Variants in SEPTIN2 observed in about 807,000 individuals in gnomAD.
SEPTIN2 encodes septin-2.
In SEPTIN2, 34 loss-of-function variants were observed where a neutral mutation model predicts 46.5. That is an observed-to-expected ratio of 0.73 (90% confidence interval 0.56 to 0.97). SEPTIN2 has a LOEUF of 0.97. Among genes scored for constraint, SEPTIN2 ranks in the 50% least tolerant of loss-of-function variants. The pLI is 0.00. For missense variants in SEPTIN2, 347 were observed against 448.4 expected (o/e 0.77, Z 2.04); for synonymous variants, 175 against 153.4 (o/e 1.14, Z -1.04).
At chr2:241,349,080 C>T (rs749464175) in intron 11 of SEPTIN2, among the ~76,000 whole-genome samples, 15 of 152,068 alleles carry the variant, frequency 9.9e-5, no homozygotes, top group Non-Finnish European at 1.2e-4. Context: ...CTATTTTTGG[C>T]CAGGCACTGT....
intron 2 of SEPTIN2, among the ~76,000 whole-genome samples, chr2:241,325,778 C>G (rs192784516): frequency 6.6e-6 from 1 of 152,116 alleles, no homozygotes. Context: ...TCGCATACAA[C>G]TAAGGAGTTA....
chr2:241,338,609 T>C (rs1311583346), intron 7 of SEPTIN2, among the ~76,000 whole-genome samples: 1 of 131,986 alleles, frequency 7.6e-6, no homozygotes, highest in Non-Finnish European at 1.5e-5. Flanking sequence ...ATATATTTTA[T>C]ATATATAATA....
chr2:241,337,975 C>T (rs1393276539), intron 7 of SEPTIN2, among the ~76,000 whole-genome samples, 185 bp downstream of exon 7: 1 of 152,152 alleles, frequency 6.6e-6, no homozygotes, highest in East Asian at 1.9e-4. Flanking sequence ...TTTTTGCCTT[C>T]ATGAAGGTAT....
chr2:241,330,702 A>G (rs1425391540), intron 3 of SEPTIN2, among the ~76,000 whole-genome samples: 1 of 152,250 alleles, frequency 6.6e-6, no homozygotes, highest in South Asian at 2.1e-4. Context: ...TCCGTAATGT[A>G]TCAATCCCAT....
chr2:241,316,136 G>C, intron 1 of SEPTIN2, 154 bp downstream of exon 1: 1 of 196,846 alleles, frequency 5.1e-6, no homozygotes, highest in East Asian at 1.1e-4. Context: ...CCGAGCCCAG[G>C]CTCTTCGGCA....
chr2:241,326,159 C>A, intron 3 of SEPTIN2, 46 bp downstream of exon 3: 1 of 1,562,284 alleles, frequency 6.4e-7, no homozygotes, highest in African/African-American at 1.4e-5. Flanking sequence ...TAAATATCTC[C>A]CCTTTCCAAT....
chr2:241,329,962 T>C (rs557495186), intron 3 of SEPTIN2, among the ~76,000 whole-genome samples: 1 of 152,260 alleles, frequency 6.6e-6, no homozygotes, highest in Non-Finnish European at 1.5e-5. Context: ...TAAAGTACTT[T>C]GATTTCCTCA....
intron 1 of SEPTIN2, 32 bp downstream of exon 1, chr2:241,316,014 T>C (rs1673010355): frequency 6.6e-6 from 1 of 152,542 alleles, no homozygotes; most frequent in South Asian, 2.0e-4. Context: ...CCCGCACAAG[T>C]TGTGGGCCGG....
chr2:241,320,335 T>C, intron 1 of SEPTIN2: 1 of 470,912 alleles, frequency 2.1e-6, no homozygotes, highest in South Asian at 1.6e-5. Flanking sequence ...AGTCAGATTT[T>C]CCAGTTTTTG....
chr2:241,340,040 G>C (rs2081046562), intron 7 of SEPTIN2, among the ~76,000 whole-genome samples: 2 of 152,190 alleles, frequency 1.3e-5, no homozygotes, highest in African/African-American at 2.4e-5. Flanking sequence ...TGAGCCAAAC[G>C]AATTCTTAGG....
At position 241,335,083 on chromosome 2, in the gene SEPTIN2, CAT is replaced by C. The variant is rs766993025; in HGVS notation, c.131-40_131-39del. ...AAACACTTAACCGATTGAATGGTGT[CAT>C]ATGAATAAGGTCATGACAAGGTTTT... On this transcript the variant is annotated intron_variant, in intron 3 of 12. Transcript: ENST00000391971. The C allele has an allele frequency of 5.9e-6, 8 of 1,367,262 alleles. No individual in the cohort carries two copies. The Admixed American group carries it at 1.0e-4, about 18-fold the overall frequency. The allele number at this position is 1,367,262 out of a possible 1,614,324, so 84.7% of individuals were successfully genotyped here.
intron 3 of SEPTIN2, among the ~76,000 whole-genome samples, chr2:241,331,826 A>C (rs1447817810): frequency 6.6e-6 from 1 of 152,254 alleles, no homozygotes; most frequent in African/African-American, 2.4e-5. Flanking sequence ...TCAAGACTTA[A>C]CAGCAGTAAT....
At chr2:241,335,240 T>C in intron 4 of SEPTIN2, 28 bp downstream of exon 4, 1 of 1,606,744 alleles carries the variant, frequency 6.2e-7, no homozygotes, top group Non-Finnish European at 8.5e-7. Context: ...TTACTGTAAG[T>C]GTAATTCTAC....
intron 9 of SEPTIN2, among the ~76,000 whole-genome samples, chr2:241,344,152 T>C (rs1356517022): frequency 6.6e-6 from 1 of 152,166 alleles, no homozygotes; most frequent in African/African-American, 2.4e-5. Flanking sequence ...TCCTTCTTGC[T>C]AAGATCTTAC....
At position 241,320,724 on chromosome 2, in the gene SEPTIN2, G is replaced by A. The variant is rs184151637; in HGVS notation, c.-17-3492G>A. 1.2e-4 allele frequency among the ~76,000 whole-genome samples: 18 copies of A among 152,254 alleles called. No homozygotes were observed. In the East Asian group the frequency reaches 3.5e-3, roughly 29 times the overall value. On this transcript the variant is annotated intron_variant, in intron 1 of 12. Coordinates refer to ENST00000391971, the MANE Select transcript of SEPTIN2 (RefSeq NM_004404.5). ...GAATTGCATGAATCCAGGAGGCAGA[G>A]GTTGTAGTGAGCTGAGATCGCGCCA...
At chr2:241,329,156 C>T (rs1156364209) in intron 3 of SEPTIN2, among the ~76,000 whole-genome samples, 4 of 151,998 alleles carry the variant, frequency 2.6e-5, no homozygotes, top group East Asian at 3.9e-4. Flanking sequence ...GATGGAGCCT[C>T]GCTCTGTTGC....
At chr2:241,335,437 T>A (rs767703510) in intron 4 of SEPTIN2, 178 of 1,245,326 alleles carry the variant, frequency 1.4e-4, no homozygotes, top group Admixed American at 4.8e-4. Context: ...CTTGAGTTTG[T>A]CTGTAAAATG....
rs763931546 is a variant in SEPTIN2 at position 241,337,808 on chromosome 2, C to T, written c.594+18C>T. ...AGAAAAGGGTGAGTGAGGCTGGCGT[C>T]CTGCCCTCCCTCTGGGTGCGACTCG... On this transcript the variant is annotated intron_variant, in intron 7 of 12. Coordinates refer to ENST00000391971, the MANE Select transcript of SEPTIN2 (RefSeq NM_004404.5). The T allele has an allele frequency of 1.9e-6, 3 of 1,563,684 alleles. No individual in the cohort carries two copies. The highest frequency in any genetic ancestry group is 1.7e-5 in the Admixed American group (1 of 59,804).
intron 3 of SEPTIN2, among the ~76,000 whole-genome samples, chr2:241,334,718 A>C (rs1214697007): frequency 6.6e-6 from 1 of 152,212 alleles, no homozygotes; most frequent in Non-Finnish European, 1.5e-5. Flanking sequence ...TATGGGATAG[A>C]TATGTTCAGT....
Sources: allele counts gnomAD v4.1 joint callset (sites outside exome capture counted in the v4.1 genomes callset), GRCh38; gene constraint gnomAD v4.1.1; transcripts MANE v1.5; gene names NCBI Gene and HGNC (gene_info 2026-07-23, HGNC 2026-07-21).